ACTR2: variants seen among roughly 807,000 people sequenced by gnomAD.
ACTR2 encodes actin related protein 2.
Under a neutral mutation model 50.2 loss-of-function variants are expected in ACTR2, and 5 were observed. That is an observed-to-expected ratio of 0.10 (90% CI 0.05 to 0.21). ACTR2 has a LOEUF of 0.21. Ranked by LOEUF, ACTR2 falls within the 10% of genes least tolerant of loss-of-function variation. The pLI, the probability that ACTR2 is intolerant of heterozygous loss-of-function variation, is 1.00. For missense variants in ACTR2, 180 were observed against 480.6 expected (o/e 0.37, Z 5.85); for synonymous variants, 140 against 162.9 (o/e 0.86, Z 1.07).
chr2:65,228,022 G>C (rs574975503), intron 1 of ACTR2, 65 bp downstream of exon 1: 5 of 1,438,676 alleles, frequency 3.5e-6, no homozygotes, highest in African/African-American at 1.5e-5. Context: ...GCTGGCGCAC[G>C]GGCCCTCGGC....
At chr2:65,251,477 T>C (rs1672049768) in intron 4 of ACTR2, among the ~76,000 whole-genome samples, 1 of 152,226 alleles carries the variant, frequency 6.6e-6, no homozygotes, top group Non-Finnish European at 1.5e-5. Flanking sequence ...TTTTCCTGCC[T>C]CAGCCTCCCA....
At chr2:65,242,682 C>G (rs1056614486) in intron 2 of ACTR2, 4 of 508,160 alleles carry the variant, frequency 7.9e-6, no homozygotes, top group Non-Finnish European at 1.6e-5. Flanking sequence ...GATTTCCCCC[C>G]CAAACATTGT....
intron 7 of ACTR2, among the ~76,000 whole-genome samples, 172 bp from the exon 8 acceptor site, chr2:65,264,871 A>G (rs1452218865): frequency 6.6e-6 from 1 of 152,224 alleles, no homozygotes; most frequent in Non-Finnish European, 1.5e-5. Context: ...ATATGTAAAG[A>G]GGGGTCGTTA....
intron 1 of ACTR2, among the ~76,000 whole-genome samples, chr2:65,237,352 G>C (rs1671758445): frequency 1.3e-5 from 2 of 152,032 alleles, no homozygotes; most frequent in African/African-American, 4.8e-5. Context: ...TCCCACCTCA[G>C]TCTCTGGAAT....
At chr2:65,229,131 A>T (rs1397810042) in intron 1 of ACTR2, among the ~76,000 whole-genome samples, 4 of 148,136 alleles carry the variant, frequency 2.7e-5, no homozygotes, top group African/African-American at 9.8e-5. Context: ...TTGCCAGATT[A>T]AAAAAAAATG....
intron 2 of ACTR2, 64 bp downstream of exon 2, chr2:65,240,026 T>C (rs1671811953): frequency 8.9e-7 from 1 of 1,126,204 alleles, no homozygotes; most frequent in Non-Finnish European, 1.3e-6. Flanking sequence ...AAAAGTAGTT[T>C]AACAGTTCTT....
intron 6 of ACTR2, among the ~76,000 whole-genome samples, chr2:65,261,026 A>T (rs268861): frequency 6.6e-6 from 1 of 151,988 alleles, no homozygotes; most frequent in East Asian, 1.9e-4. Flanking sequence ...CACCACGCCC[A>T]GCCTGGCATA....
chr2:65,251,751 A>G (rs1293661289), intron 4 of ACTR2, among the ~76,000 whole-genome samples: 2 of 152,244 alleles, frequency 1.3e-5, no homozygotes, highest in Non-Finnish European at 2.9e-5. Context: ...GTAGCATAAA[A>G]TCATGCCTGT....
At chr2:65,259,794 T>C (rs6715876) in intron 6 of ACTR2, among the ~76,000 whole-genome samples, 55,752 of 152,066 alleles carry the variant, frequency 0.37, 10,668 homozygotes, top group Middle Eastern at 0.51. Flanking sequence ...TGGTATCTCA[T>C]GGAAATGTGT....
chr2:65,267,860 C>CTTTTTTTTTTTTTTTTTTTTTTTT (rs1558630921), intron 8 of ACTR2, among the ~76,000 whole-genome samples: 1 of 62,686 alleles, frequency 1.6e-5, no homozygotes, highest in Non-Finnish European at 3.6e-5. Flanking sequence ...CATGCAAGTC[C>CTTTTTTTTTTTTTTTTTTTTTTTT]TCTTTTTTTT....
chr2:65,262,706 G>C (rs139642022), intron 7 of ACTR2, among the ~76,000 whole-genome samples: 301 of 152,064 alleles, frequency 2.0e-3, no homozygotes, highest in African/African-American at 7.0e-3. Flanking sequence ...GGCTGTAATC[G>C]CAGCACTTTG....
intron 1 of ACTR2, among the ~76,000 whole-genome samples, chr2:65,237,470 G>A (rs1671761286): frequency 6.6e-6 from 1 of 151,916 alleles, no homozygotes; most frequent in Admixed American, 6.6e-5. Flanking sequence ...TCGAGCTTCT[G>A]GGCTCAAGTG....
chr2:65,260,796 C>G (rs1476271940), intron 6 of ACTR2, among the ~76,000 whole-genome samples: 1 of 142,564 alleles, frequency 7.0e-6, no homozygotes, highest in Non-Finnish European at 1.5e-5. Context: ...GTGGCGTGAT[C>G]TTGGCTCACT....
chr2:65,270,077 T>TG lies in ACTR2; in HGVS notation c.*1344dup, dbSNP rs1672462696. 1 of 152,164 alleles carries TG rather than the reference T, an allele frequency of 6.6e-6. No homozygotes were observed. The highest frequency in any genetic ancestry group is 2.1e-4 in the South Asian group (1 of 4,832). The allele number at this position is 152,164 out of a possible 1,614,324, so 9.4% of individuals were successfully genotyped here. Reference sequence around the variant, plus strand: ...AATCCTGTCGGTATTCCTTGGTATCTGAAAAAAATACCAAATAGTACCATA... The same window carrying TG: ...AATCCTGTCGGTATTCCTTGGTATCTGGAAAAAAATACCAAATAGTACCATA... On this transcript the variant is annotated 3_prime_UTR_variant, in exon 9 of 9. Transcript: ENST00000260641.
chr2:65,241,920 C>T (rs1671846723), intron 2 of ACTR2: 1 of 1,147,744 alleles, frequency 8.7e-7, no homozygotes, highest in Admixed American at 1.8e-5. Context: ...AGTAGTACTG[C>T]ATCTGACCTC....
intron 1 of ACTR2, 129 bp downstream of exon 1, chr2:65,228,086 C>T (rs1671561231): frequency 1.2e-6 from 1 of 829,682 alleles, no homozygotes; most frequent in African/African-American, 1.8e-5. Flanking sequence ...GGCGGTGCCT[C>T]CCACCTCCGC....
chr2:65,241,949 G>C, intron 2 of ACTR2: 3 of 1,501,738 alleles, frequency 2.0e-6, no homozygotes, highest in Non-Finnish European at 2.8e-6. Context: ...TGTCTCTATT[G>C]CTTGTATGTT....
chr2:65,244,200 T>C (rs182080642), intron 2 of ACTR2, among the ~76,000 whole-genome samples: 1 of 152,314 alleles, frequency 6.6e-6, no homozygotes, highest in East Asian at 1.9e-4. Context: ...CCCCTATTTG[T>C]ACATTAAATA....
At chr2:65,236,404 G>A (rs927712994) in intron 1 of ACTR2, among the ~76,000 whole-genome samples, 3 of 151,914 alleles carry the variant, frequency 2.0e-5, no homozygotes, top group African/African-American at 7.3e-5. Context: ...AATTAAATGT[G>A]GTTCATCAGC....
Sources: gnomAD v4.1 joint callset for allele counts (sites outside exome capture counted in the v4.1 genomes callset) on GRCh38, gnomAD v4.1.1 for gene constraint, MANE v1.5 for transcripts, NCBI Gene and HGNC (gene_info 2026-07-23, HGNC 2026-07-21) for gene names.